Variants in SUMF1 observed in about 807,000 individuals in gnomAD.
SUMF1 encodes the protein sulfatase modifying factor 1, also known as formylglycine-generating enzyme.
SUMF1 carries 48 observed loss-of-function variants against 47.6 expected under a neutral mutation model. The observed-to-expected ratio is 1.01, with a 90% CI of 0.80 to 1.28. SUMF1 has a LOEUF of 1.28. SUMF1 is among the 50% of genes most tolerant of loss of function. SUMF1 has a pLI of 0.00. For synonymous variants in SUMF1, 230 were observed against 192.1 expected (o/e 1.20, Z -1.63); for missense variants, 571 against 485.4 (o/e 1.18, Z -1.66).
Position 4,455,959 on chromosome 3 carries a change from G to C in SUMF1, c.271-2910C>G, listed in dbSNP as rs9838656. ...CAGGCCAATATCCCTAATGAACATAGATGCAAACATTCTAACAAAATACTA... is the reference window on the plus strand; with the variant it reads ...CAGGCCAATATCCCTAATGAACATACATGCAAACATTCTAACAAAATACTA... On this transcript the variant is annotated intron_variant, in intron 1 of 8. Coordinates refer to ENST00000272902, the MANE Select transcript of SUMF1 (RefSeq NM_182760.4). Among the ~76,000 whole-genome samples the C allele has an allele frequency of 9.0e-3, 1,376 of 152,092 alleles. 18 individuals carry two copies. The highest frequency in any genetic ancestry group is 0.031 in the African/African-American group (1,271 of 41,492).
chr3:4,200,034 A>G (rs1004694474), intron 8 of SUMF1, among the ~76,000 whole-genome samples: 1 of 152,052 alleles, frequency 6.6e-6, no homozygotes, highest in Non-Finnish European at 1.5e-5. Context: ...ATAAAGGTTC[A>G]TGTGTTTTGT....
At position 4,452,866 on chromosome 3, in the gene SUMF1, A is replaced by G. The variant is rs767579698; in HGVS notation, c.444+10T>C. ...GAACAAGTTCTCCCTCCTTTCCCCA[A>G]TCCCATTACCTCTGTCAAATAGCCA... is the stretch of plus-strand genomic sequence containing the variant. On this transcript the variant is annotated intron_variant, in intron 2 of 8. Transcript: ENST00000272902. The G allele has an allele frequency of 6.8e-6, 11 of 1,614,120 alleles. No homozygotes were observed. The highest frequency in any genetic ancestry group is 1.6e-4 in the Middle Eastern group (1 of 6,062).
At chr3:4,136,937 A>T (rs1237297208) in intron 8 of SUMF1, among the ~76,000 whole-genome samples, 1 of 152,150 alleles carries the variant, frequency 6.6e-6, no homozygotes, top group Non-Finnish European at 1.5e-5. Flanking sequence ...ATCTCACACC[A>T]GTTAGAATGG....
At chr3:4,363,898 A>C (rs1483815384) in intron 8 of SUMF1, among the ~76,000 whole-genome samples, 3 of 144,988 alleles carry the variant, frequency 2.1e-5, no homozygotes, top group Non-Finnish European at 4.5e-5. Flanking sequence ...GATACATCCC[A>C]TCAATACCTA....
At chr3:4,313,987 G>C (rs912958958) in intron 8 of SUMF1, 36 of 788,862 alleles carry the variant, frequency 4.6e-5, no homozygotes, top group Middle Eastern at 7.5e-4. Flanking sequence ...CTTAGTGACT[G>C]TTCTAGTTAA....
intron 7 of SUMF1, among the ~76,000 whole-genome samples, chr3:4,402,566 T>C (rs964199381): frequency 3.9e-5 from 6 of 152,248 alleles, no homozygotes; most frequent in African/African-American, 1.4e-4. Flanking sequence ...ACTCCAGTGC[T>C]ACAGGGCTTT....
intron 8 of SUMF1, among the ~76,000 whole-genome samples, chr3:4,373,267 C>A (rs1281589188): frequency 6.6e-6 from 1 of 152,004 alleles, no homozygotes; most frequent in Admixed American, 6.6e-5. Context: ...CATTTCAACC[C>A]AACCATATTA....
At chr3:4,389,270 A>G (rs1700774031) in intron 7 of SUMF1, among the ~76,000 whole-genome samples, 1 of 152,200 alleles carries the variant, frequency 6.6e-6, no homozygotes, top group African/African-American at 2.4e-5. Flanking sequence ...CACTTAAAAA[A>G]CATCATGCCA....
intron 8 of SUMF1, among the ~76,000 whole-genome samples, chr3:4,154,984 G>A (rs1559517768): frequency 6.6e-6 from 1 of 151,544 alleles, no homozygotes; most frequent in African/African-American, 2.4e-5. Context: ...AGCAGAGAAA[G>A]GAGATGTACC....
At chr3:4,418,294 C>T (rs1701783853) in intron 4 of SUMF1, among the ~76,000 whole-genome samples, 162 bp from the exon 5 acceptor site, 1 of 152,228 alleles carries the variant, frequency 6.6e-6, no homozygotes, top group South Asian at 2.1e-4. Flanking sequence ...TGTCATGCTC[C>T]ACCAACGGTT....
chr3:4,261,750 C>T (rs962139022), intron 8 of SUMF1, among the ~76,000 whole-genome samples: 2 of 152,174 alleles, frequency 1.3e-5, no homozygotes, highest in African/African-American at 4.8e-5. Context: ...CTTCCCCTTC[C>T]GGTGTTCAGT....
At chr3:4,428,963 G>A (rs1483322696) in intron 3 of SUMF1, among the ~76,000 whole-genome samples, 1 of 151,950 alleles carries the variant, frequency 6.6e-6, no homozygotes, top group African/African-American at 2.4e-5. Context: ...ACTTCATAAC[G>A]ATCACTTTCA....
At chr3:4,133,497 C>T (rs993837723) in intron 8 of SUMF1, among the ~76,000 whole-genome samples, 2 of 151,996 alleles carry the variant, frequency 1.3e-5, no homozygotes, top group Non-Finnish European at 2.9e-5. Context: ...GAGGGTGTTG[C>T]TGAAGGAGAT....
intron 3 of SUMF1, among the ~76,000 whole-genome samples, chr3:4,444,350 A>G (rs568355842): frequency 6.6e-6 from 1 of 152,370 alleles, no homozygotes; most frequent in East Asian, 1.9e-4. Context: ...AAATGACTAG[A>G]GAGACATGAT....
At chr3:4,417,765 T>C (rs1263385037) in intron 5 of SUMF1, among the ~76,000 whole-genome samples, 4 of 152,026 alleles carry the variant, frequency 2.6e-5, no homozygotes, top group African/African-American at 9.7e-5. Context: ...CTCAAGGGGG[T>C]TGAATTGCTA....
chr3:4,110,072 T>G (rs944756486), intron 8 of SUMF1, among the ~76,000 whole-genome samples: 2 of 152,148 alleles, frequency 1.3e-5, no homozygotes, highest in Non-Finnish European at 2.9e-5. Context: ...ACCTTTGGTC[T>G]TTGATGATGG....
chr3:4,252,568 T>G (rs1696830089), intron 8 of SUMF1, among the ~76,000 whole-genome samples: 1 of 152,208 alleles, frequency 6.6e-6, no homozygotes, highest in Admixed American at 6.5e-5. Context: ...CCTGCCTTTT[T>G]GCCATTTTTA....
chr3:4,444,062 T>C (rs1007474088), intron 3 of SUMF1, among the ~76,000 whole-genome samples: 4 of 151,758 alleles, frequency 2.6e-5, no homozygotes, highest in African/African-American at 9.7e-5. Flanking sequence ...AAAAGGAAAA[T>C]CGTTGGGTAT....
At chr3:4,226,931 C>A (rs1696187567) in intron 8 of SUMF1, among the ~76,000 whole-genome samples, 1 of 152,084 alleles carries the variant, frequency 6.6e-6, no homozygotes, top group Admixed American at 6.6e-5. Flanking sequence ...TAAAATCACT[C>A]TGGGGGCTAA....
Sources: allele counts gnomAD v4.1 joint callset (sites outside exome capture counted in the v4.1 genomes callset), GRCh38; gene constraint gnomAD v4.1.1; transcripts MANE v1.5; gene names NCBI Gene and HGNC (gene_info 2026-07-23, HGNC 2026-07-21).